Variants in FANCG observed in about 807,000 individuals in gnomAD.
FANCG encodes Fanconi anemia group G protein.
A neutral mutation model predicts 73.3 loss-of-function variants in FANCG; 67 were observed. The ratio of observed to expected loss-of-function variants is 0.91; its 90% confidence interval spans 0.75 to 1.12. The LOEUF is 1.12. Among genes scored for constraint, FANCG ranks in the 50% most tolerant of loss-of-function variants. The pLI is 0.00. For synonymous variants in FANCG, 297 were observed against 311.6 expected (o/e 0.95, Z 0.49); for missense variants, 643 against 735.6 (o/e 0.87, Z 1.46).
rs753201416 is a variant in FANCG at position 35,078,122 on chromosome 9, A to G, written c.510+19T>C. The G allele has an allele frequency of 6.2e-7, 1 of 1,609,962 alleles. No individual in the cohort carries two copies. The highest frequency in any genetic ancestry group is 8.5e-7 in the Non-Finnish European group (1 of 1,176,344). ...AAGGAAGGAGGAGACCCTCAGCTTC[A>G]GGTCACTTTCCCTATTACCTGGCTG... On this transcript the variant is annotated intron_variant, in intron 4 of 13. Transcript: ENST00000378643.
In FANCG at chr9:35,074,189, A is replaced by C. The variant is rs1829032246; in HGVS notation, c.1788T>G (p.Tyr596Ter). The C allele has an allele frequency of 6.2e-7, 1 of 1,614,114 alleles. No homozygotes were observed. The highest frequency in any genetic ancestry group is 8.5e-7 in the Non-Finnish European group (1 of 1,180,038). The change falls in exon 14 of 14, where the codon TAT (tyrosine) becomes TAG (stop). Residue 596 changes from tyrosine to a stop codon, truncating the protein, a stop_gained. Coordinates refer to ENST00000378643, the MANE Select transcript of FANCG (RefSeq NM_004629.2). LOFTEE classifies it high-confidence loss of function. The part of the protein sequence containing the change: ...LWSLPLYLES[Y>*]LSWIRPSDRD... ...GATCAGAGGGACGGATCCAGCTCAAATAGCTTTCTAGGTACAGGGGGAGAG... is the reference window on the plus strand; with the variant it reads ...GATCAGAGGGACGGATCCAGCTCAACTAGCTTTCTAGGTACAGGGGGAGAG...
Position 35,076,868 on chromosome 9 carries a change from T to G in FANCG, c.780A>C (p.Gly260=), listed in dbSNP as rs751407167. The G allele has an allele frequency of 6.2e-7, 1 of 1,614,076 alleles. No individual in the cohort carries two copies. The change falls in exon 7 of 14, where the codon GGA becomes GGC. Residue 260 remains glycine, a splice_region_variant and synonymous_variant. Transcript: ENST00000378643. ...TALGSCHRKM[G]NPQRALLYLV... Reference sequence around the variant, plus strand: ...AGTACAACAGTGCTCTCTGTGGATTTCCCTAAAGGGATAGGAGGACACGGG... The same window carrying G: ...AGTACAACAGTGCTCTCTGTGGATTGCCCTAAAGGGATAGGAGGACACGGG...
At position 35,077,026 on chromosome 9, in the gene FANCG, G is replaced by A. The variant is rs201438531; in HGVS notation, c.722C>T (p.Pro241Leu). ...SLHEAASGLC[P>L]RPVLVQVYTA... is the part of the protein sequence containing the mutation. ...GTACACCTGGACCAACACAGGCCGT[G>A]GACACAGGCCTGAGGCCGCTTCATG... is the stretch of plus-strand genomic sequence containing the variant. The change falls in exon 6 of 14, where the codon CCA becomes CTA. Residue 241 changes from proline (P) to leucine (L), a missense_variant. Pro to Leu is a moderately conservative substitution (Grantham distance 98, BLOSUM62 -3). Coordinates refer to ENST00000378643, the MANE Select transcript of FANCG (RefSeq NM_004629.2). The A allele has an allele frequency of 2.9e-4, 469 of 1,614,244 alleles. 4 individuals carry two copies. The highest frequency in any genetic ancestry group is 2.8e-3 in the South Asian group (259 of 91,086).
intron 9 of FANCG, 36 bp downstream of exon 9, chr9:35,075,926 C>G: frequency 6.2e-7 from 1 of 1,610,112 alleles, no homozygotes; most frequent in Non-Finnish European, 8.5e-7. Flanking sequence ...ACCAACCCGT[C>G]TACCCCATTG....
chr9:35,077,138 TA>T, intron 5 of FANCG, 37 bp from the exon 6 acceptor site: 5 of 1,614,106 alleles, frequency 3.1e-6, no homozygotes, highest in Non-Finnish European at 4.2e-6. Context: ...GAGAGGGCTA[TA>T]GAGCAGGGGT....
chr9:35,077,707 G>C (rs145509875), intron 4 of FANCG, among the ~76,000 whole-genome samples: 1 of 151,886 alleles, frequency 6.6e-6, no homozygotes, highest in Non-Finnish European at 1.5e-5. Flanking sequence ...GGAGACTAAG[G>C]CTGAGAGCTG....
chr9:35,077,445 C>A, intron 4 of FANCG, 46 bp from the exon 5 acceptor site: 2 of 1,612,782 alleles, frequency 1.2e-6, no homozygotes, highest in Non-Finnish European at 1.7e-6. Context: ...ACAACCTCCT[C>A]GTCTTCTCCT....
chr9:35,079,858 G>A lies in FANCG; in HGVS notation c.-334C>T, dbSNP rs1157081941. The A allele has an allele frequency of 4.5e-6, 2 of 447,496 alleles. No homozygotes were observed. Among genetic ancestry groups the A allele is most frequent in the Non-Finnish European group, 8.4e-6 (2 of 238,458 alleles). The allele number at this position is 447,496 out of a possible 1,614,324, so 27.7% of individuals were successfully genotyped here. A position where few individuals can be genotyped will look rare whatever the true frequency, so the allele number is the denominator to read the frequency against. Reference sequence around the variant, plus strand: ...CCAAACAGGCTTAGGCGGGCTAGAAGCCGGGGTCGTGTCTGACTGGGGCAG... The same window carrying A: ...CCAAACAGGCTTAGGCGGGCTAGAAACCGGGGTCGTGTCTGACTGGGGCAG... On this transcript the variant is annotated 5_prime_UTR_variant, in exon 1 of 14. Coordinates refer to ENST00000378643, the MANE Select transcript of FANCG (RefSeq NM_004629.2).
rs984958735 is a variant in FANCG, at chr9:35,076,506, T to C, written c.1002A>G (p.Leu334=). 4 of 1,614,108 alleles carry C rather than the reference T, an allele frequency of 2.5e-6. No homozygotes were observed. Among genetic ancestry groups the C allele is most frequent in the Admixed American group, 3.3e-5 (2 of 60,016 alleles). Residue 334 remains leucine (L), a synonymous_variant, in exon 8 of 14, where the codon CTA becomes CTG. Transcript: ENST00000378643. Reference sequence around the variant, plus strand: ...GAGTGCCACAATGAAGGGGTGAGGCTAGGTCAGGTGGTGGCAGTAGTAATT... The same window carrying C: ...GAGTGCCACAATGAAGGGGTGAGGCCAGGTCAGGTGGTGGCAGTAGTAATT... ...EVELLLPPPD[L]ASPLHCGTQS...
chr9:35,074,790 C>T, intron 12 of FANCG, 137 bp downstream of exon 12: 1 of 1,139,440 alleles, frequency 8.8e-7, no homozygotes, highest in Non-Finnish European at 1.3e-6. Flanking sequence ...TGGATATATC[C>T]CTAGGTATAT....
chr9:35,073,938 A>C lies in FANCG; in HGVS notation c.*170T>G, dbSNP rs1259679506. 2 of 684,236 alleles carry C rather than the reference A, an allele frequency of 2.9e-6. No homozygotes were observed. Among genetic ancestry groups the C allele is most frequent in the Non-Finnish European group, 5.3e-6 (2 of 374,918 alleles). The allele number at this position is 684,236 out of a possible 1,614,324, so 42.4% of individuals were successfully genotyped here. On this transcript the variant is annotated 3_prime_UTR_variant, in exon 14 of 14. Coordinates refer to ENST00000378643, the MANE Select transcript of FANCG (RefSeq NM_004629.2). ...GGTGGTGGCAGAGATTGTTTCCTCC[A>C]AAACGAGAATGGTAGTAACTAGGGC...
Position 35,076,434 on chromosome 9 carries a change from C to T in FANCG, c.1074G>A (p.Gly358=), listed in dbSNP as rs749198217. ...HILASRCLQT[G]RAGDAAEHYL... ...CAGGTGAGCAAGGGGAACCTCACCT[C>T]CCCGTCTGTAGGCACCTGCTTGCTA... The change falls in exon 8 of 14, where the codon GGG becomes GGA. Residue 358 remains glycine, a splice_region_variant and synonymous_variant. Transcript: ENST00000378643. 13 of 1,613,842 alleles carry T rather than the reference C, an allele frequency of 8.1e-6. No homozygotes were observed. In the South Asian group the frequency reaches 1.4e-4, roughly 18 times the overall value.
rs200078931 is a variant in FANCG at position 35,075,419 on chromosome 9, A to G, written c.1433+46T>C. 145 of 1,613,968 alleles carry G rather than the reference A, an allele frequency of 9.0e-5. 1 individual carries two copies. In the African/African-American group the frequency reaches 1.6e-3, roughly 18 times the overall value. ...ATGGAGCTCACCAACTCAGGTCCCA[A>G]TCAGAAAATCATCCCTCCACACCCC... On this transcript the variant is annotated intron_variant, in intron 10 of 13. Coordinates refer to ENST00000378643, the MANE Select transcript of FANCG (RefSeq NM_004629.2).
Position 35,076,781 on chromosome 9 carries a change from G to A in FANCG, c.867C>T (p.Leu289=), listed in dbSNP as rs755031729. 5 of 1,614,030 alleles carry A rather than the reference G, an allele frequency of 3.1e-6. No individual in the cohort carries two copies. In the African/African-American group the frequency reaches 5.3e-5, roughly 17 times the overall value. The change falls in exon 7 of 14, where the codon CTC becomes CTT. Residue 289 remains leucine, a synonymous_variant. Coordinates refer to ENST00000378643, the MANE Select transcript of FANCG (RefSeq NM_004629.2). The part of the protein sequence containing the change: ...WGPPLLEASR[L]YQQLGDTTAE... ...CTGTTGTGTCCCCCAGTTGCTGATA[G>A]AGCCTAGAGGCCTCCAGAAGTGGAG...
chr9:35,074,958 C>T lies in FANCG; in HGVS notation c.1605G>A (p.Gln535=). ...VASGQDTKAL[Q]DFLLSVQMCP... ...ACATCTGCACACTGAGGAGGAAGTC[C>T]TGTAAGGCTTTGGTATCCTGGCCGC... The change falls in exon 12 of 14, where the codon CAG becomes CAA. Residue 535 remains glutamine, a synonymous_variant. Transcript: ENST00000378643. The T allele has an allele frequency of 6.2e-7, 1 of 1,614,204 alleles. No individual in the cohort carries two copies. Among genetic ancestry groups the T allele is most frequent in the Non-Finnish European group, 8.5e-7 (1 of 1,180,044 alleles).
chr9:35,074,709 T>G, intron 12 of FANCG: 1 of 851,392 alleles, frequency 1.2e-6, no homozygotes, highest in Non-Finnish European at 1.9e-6. Flanking sequence ...ATGGTCTTTG[T>G]GTCTGAGGAT....
Position 35,075,815 on chromosome 9 carries a change from A to G in FANCG, c.1144-61T>C. 8 of 1,554,080 alleles carry G rather than the reference A, an allele frequency of 5.1e-6. 1 individual carries two copies. In the Middle Eastern group the frequency reaches 1.2e-3, roughly 229 times the overall value. ...ATGAGCCACCATCCCCAACCTCTTC[A>G]CCAGGCTCTGGTACCATGCAGAGTC... is the stretch of plus-strand genomic sequence containing the variant. On this transcript the variant is annotated intron_variant, in intron 9 of 13. Transcript: ENST00000378643.
intron 3 of FANCG, 44 bp downstream of exon 3, chr9:35,078,561 G>T: frequency 6.2e-7 from 1 of 1,613,850 alleles, no homozygotes; most frequent in Non-Finnish European, 8.5e-7. Flanking sequence ...CTTAAACCCA[G>T]ACTGAAGATG....
chr9:35,079,687 G>T lies in FANCG; in HGVS notation c.-163C>A, dbSNP rs539569750. On this transcript the variant is annotated 5_prime_UTR_variant, in exon 1 of 14. Coordinates refer to ENST00000378643, the MANE Select transcript of FANCG (RefSeq NM_004629.2). The stretch of plus-strand genomic sequence containing the variant: ...CAATCCACCCGCCCAGGCTTTCCAG[G>T]ACAGATGGGACGCTCTCTCCCCGCG... 5 of 696,634 alleles carry T rather than the reference G, an allele frequency of 7.2e-6. No individual in the cohort carries two copies. Among genetic ancestry groups the T allele is most frequent in the African/African-American group, 3.5e-5 (2 of 56,518 alleles). 43.2% of individuals were successfully genotyped at this position (696,634 alleles called of 1,614,324 possible).
Sources: gnomAD v4.1 joint callset for allele counts (sites outside exome capture counted in the v4.1 genomes callset) on GRCh38, gnomAD v4.1.1 for gene constraint, MANE v1.5 for transcripts, NCBI Gene and HGNC (gene_info 2026-07-23, HGNC 2026-07-21) for gene names.